NLRP2: variants seen among roughly 807,000 people sequenced by gnomAD.
The protein encoded by NLRP2 is NLR family pyrin domain containing 2, also known as NACHT, LRR and PYD domains-containing protein 2.
Under a neutral mutation model 97.2 loss-of-function variants are expected in NLRP2, and 107 were observed. That is an observed-to-expected ratio of 1.10 (90% CI 0.94 to 1.29). The LOEUF (loss-of-function observed/expected upper bound fraction) is 1.29. NLRP2 is among the 50% of genes most tolerant of loss of function. The pLI is 0.00. For synonymous variants in NLRP2, 663 were observed against 551.5 expected, an observed-to-expected ratio of 1.20 and a Z score of -2.83; for missense variants, 1,495 against 1,330.3, an observed-to-expected ratio of 1.12 and a Z score of -1.93.
At chr19:54,990,443 A>G in intron 9 of NLRP2, 59 bp from the exon 10 acceptor site, 1 of 1,564,116 alleles carries the variant, frequency 6.4e-7, no homozygotes, top group East Asian at 2.2e-5. Flanking sequence ...TTGTGGAGCT[A>G]GCCGGGAAGG....
In NLRP2 at chr19:54,982,643, C is replaced by G. The variant is rs139643111; in HGVS notation, c.945C>G (p.Pro315=). The G allele has an allele frequency of 8.7e-6, 14 of 1,614,146 alleles. No individual in the cohort carries two copies. In the East Asian group the frequency reaches 2.5e-4, roughly 28 times the overall value. Residue 315 remains proline (P), a synonymous_variant, in exon 6 of 13, where the codon CCC becomes CCG. Transcript: ENST00000448584. ...CGDWEKKKPV[P]VLLGSLLNRV... is the part of the protein sequence containing the mutation. ...ACTGGGAGAAGAAGAAGCCGGTGCC[C>G]GTCCTCCTGGGGAGTTTGCTGAACA...
In NLRP2 at chr19:54,997,417, T is replaced by C. The variant is rs2146554178; in HGVS notation, c.2980T>C (p.Leu994=). The C allele has an allele frequency of 6.2e-7, 1 of 1,614,220 alleles. No homozygotes were observed. ...LVTLDLGQNP[L]GSSGVKMLFE... Reference sequence around the variant, plus strand: ...CACTCTGGACCTGGGTCAGAATCCCTTGGGGTCTAGTGGAGTGAAGATGCT... The same window carrying C: ...CACTCTGGACCTGGGTCAGAATCCCCTGGGGTCTAGTGGAGTGAAGATGCT... Residue 994 remains leucine (L), a synonymous_variant, in exon 12 of 13, where the codon TTG becomes CTG. Coordinates refer to ENST00000448584, the MANE Select transcript of NLRP2 (RefSeq NM_017852.5).
intron 2 of NLRP2, chr19:54,973,685 A>G (rs1282513717): frequency 5.3e-6 from 2 of 380,722 alleles, no homozygotes; most frequent in Non-Finnish European, 1.0e-5. Flanking sequence ...AGGGTTTTTA[A>G]CTTTAGCTGA....
intron 8 of NLRP2, among the ~76,000 whole-genome samples, chr19:54,986,925 C>T (rs2072132289): frequency 6.6e-6 from 1 of 151,878 alleles, no homozygotes; most frequent in African/African-American, 2.4e-5. Context: ...CGCTCTGTCA[C>T]CCAGGCTGGA....
rs755273569 is a variant in NLRP2, at chr19:54,981,597, CAT to C, written c.398-19_398-18del. Reference sequence around the variant, plus strand: ...TACACCTGATTTTGTGTCAATCTCACATGAGTTTGTATTTTGTAGCGTTTACA... The same window carrying C: ...TACACCTGATTTTGTGTCAATCTCACGAGTTTGTATTTTGTAGCGTTTACA... On this transcript the variant is annotated intron_variant, in intron 4 of 12. Coordinates refer to ENST00000448584, the MANE Select transcript of NLRP2 (RefSeq NM_017852.5). The C allele has an allele frequency of 1.1e-5, 15 of 1,310,394 alleles. No individual in the cohort carries two copies. The highest frequency in any genetic ancestry group is 7.7e-5 in the African/African-American group (5 of 64,942). The allele number at this position is 1,310,394 out of a possible 1,614,324, so 81.2% of individuals were successfully genotyped here.
Position 54,983,339 on chromosome 19 carries a change from C to T in NLRP2, c.1641C>T (p.Asn547=), listed in dbSNP as rs1415665567. Residue 547 remains asparagine (N), a synonymous_variant, in exon 6 of 13, where the codon AAC becomes AAT. Coordinates refer to ENST00000448584, the MANE Select transcript of NLRP2 (RefSeq NM_017852.5). ...TTTCCGGAGTAGAAAGACTCAGGAA[C>T]CCCGACCTGATCCAAGCAGGCTACT... ...KLLSGVERLR[N]PDLIQAGYYS... is the part of the protein sequence containing the mutation. The T allele has an allele frequency of 7.4e-6, 12 of 1,614,102 alleles. No individual in the cohort carries two copies. Among genetic ancestry groups the T allele is most frequent in the Non-Finnish European group, 1.0e-5 (12 of 1,180,056 alleles).
chr19:54,989,749 C>A (rs1008863615), intron 8 of NLRP2: 1 of 543,424 alleles, frequency 1.8e-6, no homozygotes, highest in East Asian at 3.2e-5. Context: ...TCTGGGAGGC[C>A]GAGGTGGGCA....
intron 7 of NLRP2, among the ~76,000 whole-genome samples, chr19:54,985,765 G>T (rs2072030585): frequency 6.6e-6 from 1 of 151,912 alleles, no homozygotes; most frequent in African/African-American, 2.4e-5. Flanking sequence ...GGGGCCCAAG[G>T]TGGGGGGATC....
chr19:54,965,571 T>C (rs2070337428), upstream of NLRP2, among the ~76,000 whole-genome samples: 1 of 73,510 alleles, frequency 1.4e-5, no homozygotes, highest in Non-Finnish European at 2.8e-5. Flanking sequence ...TTCTCCTGCC[T>C]CAGCCTCCCG....
At chr19:54,967,917 A>ATTTTT (rs55659818) in intron 1 of NLRP2, among the ~76,000 whole-genome samples, 15,070 of 125,802 alleles carry the variant, frequency 0.12, 1,178 homozygotes, top group Non-Finnish European at 0.19. Context: ...TGCTACTGCT[A>ATTTTT]TTTTTTTTTT....
At chr19:54,977,727 C>T in intron 3 of NLRP2, 25 bp from the exon 4 acceptor site, 3 of 1,613,072 alleles carry the variant, frequency 1.9e-6, no homozygotes, top group Non-Finnish European at 2.5e-6. Flanking sequence ...AGCAACAGGC[C>T]TGTAATGCCG....
chr19:54,982,085 G>A (rs908768297), intron 5 of NLRP2, 77 bp from the exon 6 acceptor site: 1 of 1,584,586 alleles, frequency 6.3e-7, no homozygotes. Context: ...GCCAACACAA[G>A]GCATTTTGTT....
At chr19:54,991,329 TC>T (rs1295332438) in intron 10 of NLRP2, among the ~76,000 whole-genome samples, 1 of 151,770 alleles carries the variant, frequency 6.6e-6, no homozygotes, top group African/African-American at 2.4e-5. Context: ...GCAAGGCAGA[TC>T]CCTTGAGGGC....
chr19:54,987,128 A>AC (rs763390795), intron 8 of NLRP2, among the ~76,000 whole-genome samples: 3,642 of 138,678 alleles, frequency 0.026, 47 homozygotes, highest in Non-Finnish European at 0.037. Flanking sequence ...CAGGTGATCT[A>AC]CCCCCCCACC....
chr19:54,984,956 A>G, intron 6 of NLRP2, 91 bp from the exon 7 acceptor site: 3 of 1,234,256 alleles, frequency 2.4e-6, no homozygotes, highest in South Asian at 1.2e-5. Flanking sequence ...AATTGTACTC[A>G]TTTGTCAGGG....
At chr19:54,974,342 C>CT (rs2071060151) in intron 2 of NLRP2, 158 bp from the exon 3 acceptor site, 3 of 709,042 alleles carry the variant, frequency 4.2e-6, no homozygotes, top group Non-Finnish European at 7.5e-6. Context: ...GAGTGACACT[C>CT]TGTCTCAAAA....
At chr19:54,976,980 C>A in intron 3 of NLRP2, 1 of 347,796 alleles carries the variant, frequency 2.9e-6, no homozygotes, top group Non-Finnish European at 5.5e-6. Flanking sequence ...CCATGCCCGG[C>A]TAATTTTTTG....
chr19:54,981,250 T>TC (rs1386908627), intron 4 of NLRP2, among the ~76,000 whole-genome samples: 1 of 152,008 alleles, frequency 6.6e-6, no homozygotes, highest in East Asian at 1.9e-4. Flanking sequence ...TACTACAACC[T>TC]CCATCTCCCA....
chr19:54,990,161 A>G lies in NLRP2; in HGVS notation c.2506A>G (p.Arg836Gly). The G allele has an allele frequency of 6.2e-7, 1 of 1,614,118 alleles. No individual in the cohort carries two copies. The highest frequency in any genetic ancestry group is 8.5e-7 in the Non-Finnish European group (1 of 1,180,016). The change falls in exon 9 of 13, where the codon AGA (arginine) becomes GGA (glycine). Residue 836 changes from arginine (R) to glycine (G), a missense_variant. Arg to Gly is a moderately radical substitution (Grantham distance 125). Coordinates refer to ENST00000448584, the MANE Select transcript of NLRP2 (RefSeq NM_017852.5). ...EGAKLLYTTL[R>G]HPKCFLQRLS... The stretch of plus-strand genomic sequence containing the variant: ...TGCTAAGTTGCTGTACACAACTTTG[A>G]GACACCCCAAGTGCTTTCTGCAGAG...
Sources: allele counts gnomAD v4.1 joint callset (sites outside exome capture counted in the v4.1 genomes callset), GRCh38; gene constraint gnomAD v4.1.1; transcripts MANE v1.5; gene names NCBI Gene and HGNC (gene_info 2026-07-23, HGNC 2026-07-21).